The following TRPM2 variants were observed in gnomAD, a reference collection of about 807,000 sequenced individuals.
TRPM2 encodes transient receptor potential cation channel subfamily M member 2.
Under a neutral mutation model 174.0 loss-of-function variants are expected in TRPM2, and 161 were observed. The ratio of observed to expected loss-of-function variants is 0.93; its 90% CI spans 0.81 to 1.05. The LOEUF (loss-of-function observed/expected upper bound fraction) is 1.05, where lower values mean the gene tolerates loss of function less well. TRPM2 is among the 50% of genes least tolerant of loss of function. The pLI is 0.00. For missense variants in TRPM2, 2,057 were observed against 2,038.0 expected (o/e 1.01, Z -0.18); for synonymous variants, 954 against 861.3 (o/e 1.11, Z -1.88).
chr21:44,375,707 A>G lies in TRPM2; in HGVS notation c.772-126A>G, dbSNP rs1291698190. 6 of 1,157,336 alleles carry G rather than the reference A, an allele frequency of 5.2e-6. No individual in the cohort carries two copies. In the Admixed American group the frequency reaches 8.6e-5, roughly 17 times the overall value. The allele number at this position is 1,157,336 out of a possible 1,614,324, so 71.7% of individuals were successfully genotyped here. ...CACATGTGCAAAGTCGCTTTCTCCA[A>G]TAAGGCCACGTCCACAGATTCCAGG... On this transcript the variant is annotated intron_variant, in intron 5 of 31. Transcript: ENST00000397928.
intron 16 of TRPM2, among the ~76,000 whole-genome samples, chr21:44,402,525 G>A (rs930223808): frequency 1.3e-5 from 2 of 152,094 alleles, no homozygotes; most frequent in African/African-American, 2.4e-5. Flanking sequence ...TCACAGAGGC[G>A]AGGCTGACAC....
At chr21:44,397,031 G>A (rs1343875184) in intron 12 of TRPM2, among the ~76,000 whole-genome samples, 1 of 150,830 alleles carries the variant, frequency 6.6e-6, no homozygotes, top group Admixed American at 6.6e-5. Context: ...TTAGCTCTAG[G>A]CAGGAAAGGA....
intron 7 of TRPM2, among the ~76,000 whole-genome samples, chr21:44,378,699 C>A (rs1027251895): frequency 1.3e-5 from 2 of 152,306 alleles, no homozygotes; most frequent in South Asian, 4.1e-4. Context: ...GTCCATGCAG[C>A]GTCCCCTTTG....
chr21:44,432,725 G>A lies in TRPM2; in HGVS notation c.3975-2406G>A, dbSNP rs2051069869. ...TTTGCTTGCCCCCTCTTTCTGAGAT[G>A]GATTGAGGTCAGGTCAGCAAAGATT... is the stretch of plus-strand genomic sequence containing the variant. On this transcript the variant is annotated intron_variant, in intron 27 of 31. Transcript: ENST00000397928. The surrounding 1 kb of genome is among the most constrained non-coding windows in gnomAD (Gnocchi z 4.9). 6.6e-6 allele frequency among the ~76,000 whole-genome samples: 1 copy of A among 152,172 alleles called. No individual in the cohort carries two copies. Among genetic ancestry groups the A allele is most frequent in the Non-Finnish European group, 1.5e-5 (1 of 68,034 alleles).
chr21:44,408,585 A>T (rs913430014), intron 19 of TRPM2, among the ~76,000 whole-genome samples: 13 of 150,760 alleles, frequency 8.6e-5, no homozygotes, highest in African/African-American at 3.2e-4. Flanking sequence ...CATGCTGAGC[A>T]TCTCCTCCTC....
rs1444578208 is a variant in TRPM2 at position 44,376,177 on chromosome 21, G to A, written c.952+164G>A. On this transcript the variant is annotated intron_variant, in intron 6 of 31. Transcript: ENST00000397928. The surrounding 1 kb of genome is among the most constrained non-coding windows in gnomAD (Gnocchi z 4.2). Reference sequence around the variant, plus strand: ...AGGTACAGCTGGTCACAGGTCATTCGTGGCACTCGGCAGAGAGCGCGGTGA... The same window carrying A: ...AGGTACAGCTGGTCACAGGTCATTCATGGCACTCGGCAGAGAGCGCGGTGA... Among the ~76,000 whole-genome samples the A allele has an allele frequency of 6.6e-5, 10 of 152,128 alleles. No homozygotes were observed. Among genetic ancestry groups the A allele is most frequent in the Admixed American group, 2.0e-4 (3 of 15,274 alleles).
At chr21:44,419,876 T>C (rs1334100443) in intron 22 of TRPM2, among the ~76,000 whole-genome samples, 1 of 145,918 alleles carries the variant, frequency 6.9e-6, no homozygotes, top group African/African-American at 2.7e-5. Context: ...GTAGCGGTGA[T>C]GGTGGTGGTG....
At chr21:44,407,450 G>GTT (rs71197896) in intron 19 of TRPM2, among the ~76,000 whole-genome samples, 3,640 of 85,794 alleles carry the variant, frequency 0.042, 184 homozygotes, top group Non-Finnish European at 0.055. Flanking sequence ...CATATAGAAG[G>GTT]TTTTTTTTTT....
In TRPM2 at chr21:44,399,525, C is replaced by T. The variant is rs567312794; in HGVS notation, c.2208+84C>T. The T allele has an allele frequency of 4.3e-5, 65 of 1,511,570 alleles. 1 individual carries two copies. Among genetic ancestry groups the T allele is most frequent in the African/African-American group, 2.5e-4 (18 of 72,420 alleles). 93.6% of individuals were successfully genotyped at this position (1,511,570 alleles called of 1,614,324 possible). The stretch of plus-strand genomic sequence containing the variant: ...CAGCCTCCTGTTCGTGCAGTTGGCA[C>T]GCACACTCACACAGGCTTCAGGGCC... On this transcript the variant is annotated intron_variant, in intron 14 of 31. Transcript: ENST00000397928. The surrounding 1 kb of genome is among the most constrained non-coding windows in gnomAD (Gnocchi z 4.6).
chr21:44,439,968 C>T lies in TRPM2; in HGVS notation c.4269+800C>T, dbSNP rs1171556466. On this transcript the variant is annotated intron_variant, in intron 30 of 31. Transcript: ENST00000397928. This position sits in a 1 kb window ranked among gnomAD's most constrained non-coding sequence, Gnocchi z 5.1. ...GAACTGGGCTCAAGCGATCTGCCCA[C>T]CTCAGCCTCCCAAAGTGCTGGGATT... 6.6e-6 allele frequency among the ~76,000 whole-genome samples: 1 copy of T among 151,962 alleles called. No individual in the cohort carries two copies.
At chr21:44,379,767 G>A (rs1170727909) in intron 8 of TRPM2, among the ~76,000 whole-genome samples, 2 of 152,212 alleles carry the variant, frequency 1.3e-5, no homozygotes, top group African/African-American at 2.4e-5. Context: ...TGACCAGGGG[G>A]GTGGGCTCCA....
At chr21:44,401,442 C>T (rs2049612931) in intron 15 of TRPM2, among the ~76,000 whole-genome samples, 1 of 152,140 alleles carries the variant, frequency 6.6e-6, no homozygotes, top group South Asian at 2.1e-4. Context: ...ATCCCTGTGT[C>T]CTCACTTTGC....
chr21:44,434,433 G>A (rs1486067742), intron 27 of TRPM2, among the ~76,000 whole-genome samples: 1 of 152,004 alleles, frequency 6.6e-6, no homozygotes, highest in Non-Finnish European at 1.5e-5. Flanking sequence ...ATGCTGTCGG[G>A]GACTATGGCG....
intron 25 of TRPM2, 135 bp from the exon 26 acceptor site, chr21:44,426,525 T>G (rs944408759): frequency 3.3e-6 from 3 of 922,918 alleles, no homozygotes; most frequent in Non-Finnish European, 5.2e-6. Flanking sequence ...TCTGCCCAGC[T>G]TGGAGCTTCT....
chr21:44,375,501 C>T (rs183618093), intron 5 of TRPM2, among the ~76,000 whole-genome samples: 15 of 152,294 alleles, frequency 9.8e-5, no homozygotes, highest in Admixed American at 6.5e-4. Context: ...TCTGTTTCCC[C>T]GCCTCCTCCA....
rs111937741 is a variant in TRPM2, at chr21:44,423,828, G to A, written c.3549+96G>A. On this transcript the variant is annotated intron_variant, in intron 23 of 31. Transcript: ENST00000397928. Reference sequence around the variant, plus strand: ...TGGCACCAAGAAGGAGGGCTCTGAGGAGTGATGGTGAGGAGGAGGCCGGAA... The same window carrying A: ...TGGCACCAAGAAGGAGGGCTCTGAGAAGTGATGGTGAGGAGGAGGCCGGAA... The A allele has an allele frequency of 1.1e-3, 513 of 461,222 alleles. 6 individuals carry two copies. The African/African-American group carries it at 0.016, about 15-fold the overall frequency. The allele number at this position is 461,222 out of a possible 1,614,324, so 28.6% of individuals were successfully genotyped here. A position where few individuals can be genotyped will look rare whatever the true frequency, so the allele number is the denominator to read the frequency against.
intron 16 of TRPM2, among the ~76,000 whole-genome samples, chr21:44,403,952 GCA>G: frequency 1.4e-5 from 1 of 74,004 alleles, no homozygotes; most frequent in Non-Finnish European, 3.4e-5. Flanking sequence ...ATACACATAT[GCA>G]CACATACATA....
rs1253971225 is a variant in TRPM2, at chr21:44,375,891, T to C, written c.830T>C (p.Leu277Pro). The C allele has an allele frequency of 1.2e-6, 2 of 1,614,056 alleles. No homozygotes were observed. Among genetic ancestry groups the C allele is most frequent in the African/African-American group, 1.3e-5 (1 of 75,052 alleles). ...DEDGQGNLTC[L>P]DSNHSHFILV... The stretch of plus-strand genomic sequence containing the variant: ...GATGGCCAAGGGAACCTGACCTGCC[T>C]AGACAGCAACCACTCTCACTTCATC... Residue 277 changes from leucine (L) to proline (P), a missense_variant, in exon 6 of 32, where the codon CTA becomes CCA. Transcript: ENST00000397928.
chr21:44,406,518 G>A lies in TRPM2; in HGVS notation c.2791-76G>A, dbSNP rs563453329. 2.9e-5 allele frequency: 43 copies of A among 1,490,128 alleles called. No individual in the cohort carries two copies. In the East Asian group the frequency reaches 4.6e-4, roughly 16 times the overall value. The allele number at this position is 1,490,128 out of a possible 1,614,324, so 92.3% of individuals were successfully genotyped here. A position where few individuals can be genotyped will look rare whatever the true frequency, so the allele number is the denominator to read the frequency against. On this transcript the variant is annotated intron_variant, in intron 18 of 31. Transcript: ENST00000397928. ...TGTGAGTGGCAGTGCTGTCTCCACC[G>A]CTGCTGGGCCTGCCTCTGGGCCCAG... is the stretch of plus-strand genomic sequence containing the variant.
Sources: gnomAD v4.1 joint callset for allele counts (sites outside exome capture counted in the v4.1 genomes callset) on GRCh38, gnomAD v4.1.1 for gene constraint, Gnocchi (gnomAD v3.1) non-coding constraint, MANE v1.5 for transcripts, NCBI Gene and HGNC (gene_info 2026-07-23, HGNC 2026-07-21) for gene names.